The following OSBPL9 variants were observed in gnomAD, a reference collection of about 807,000 sequenced individuals.
OSBPL9 encodes the protein oxysterol binding protein like 9.
Under a neutral mutation model 106.6 loss-of-function variants are expected in OSBPL9, and 40 were observed. That is an observed-to-expected ratio of 0.38 (90% CI 0.29 to 0.49). OSBPL9 has a LOEUF of 0.49. OSBPL9 is among the 20% of genes least tolerant of loss of function. The probability of loss-of-function intolerance (pLI) is 0.97; values close to 1 mark genes in which losing one functional copy is unlikely to be tolerated. For missense variants in OSBPL9, 609 were observed against 887.2 expected (o/e 0.69, Z 3.98); for synonymous variants, 269 against 295.4 (o/e 0.91, Z 0.92).
At chr1:51,518,781 G>T in the OSBPL9 span, among the ~76,000 whole-genome samples, 15 of 151,618 alleles carry the variant, frequency 9.9e-5, no homozygotes, top group African/African-American at 3.4e-4. Context: ...CGTGCGGCCC[G>T]GGGGTGCGGC....
intron 2 of OSBPL9, among the ~76,000 whole-genome samples, chr1:51,668,437 C>A (rs1649038889): frequency 6.6e-6 from 1 of 152,108 alleles, no homozygotes; most frequent in South Asian, 2.1e-4. Context: ...GCCTGGCCAA[C>A]AAGGTGAAAC....
intron 1 of OSBPL9, among the ~76,000 whole-genome samples, chr1:51,627,577 TCTAA>T (rs1184558069): frequency 6.6e-6 from 1 of 152,212 alleles, no homozygotes; most frequent in Non-Finnish European, 1.5e-5. Context: ...ATGTAAATCT[TCTAA>T]CTTTCTTTGT....
chr1:51,545,222 T>C, the OSBPL9 span, among the ~76,000 whole-genome samples: 2 of 152,178 alleles, frequency 1.3e-5, no homozygotes, highest in Non-Finnish European at 2.9e-5. Flanking sequence ...TGCGATCTTA[T>C]TATCTGTCAA....
At chr1:51,719,550 A>G (rs896248431) in intron 4 of OSBPL9, among the ~76,000 whole-genome samples, 41 of 152,078 alleles carry the variant, frequency 2.7e-4, no homozygotes, top group Admixed American at 1.3e-4. Flanking sequence ...TACATCCTGT[A>G]GGTTTTATAG....
chr1:51,677,878 T>C (rs1410730205), intron 3 of OSBPL9, among the ~76,000 whole-genome samples: 1 of 151,948 alleles, frequency 6.6e-6, no homozygotes, highest in Non-Finnish European at 1.5e-5. Context: ...CAGTGTGTTC[T>C]CAAAAATAAT....
chr1:51,669,683 T>G, intron 3 of OSBPL9, 171 bp downstream of exon 3: 1 of 696,558 alleles, frequency 1.4e-6, no homozygotes. Flanking sequence ...GATTTGTATC[T>G]GCAATGGATG....
chr1:51,731,840 T>G (rs1664530867), intron 4 of OSBPL9, among the ~76,000 whole-genome samples: 1 of 151,052 alleles, frequency 6.6e-6, no homozygotes, highest in Non-Finnish European at 1.5e-5. Flanking sequence ...AGAGCTTAAG[T>G]GAGAAACAAG....
intron 1 of OSBPL9, among the ~76,000 whole-genome samples, chr1:51,581,939 GCTCAT>G (rs1301181425): frequency 2.0e-5 from 3 of 152,048 alleles, no homozygotes; most frequent in Non-Finnish European, 2.9e-5. Context: ...GACGCTCAAG[GCTCAT>G]CTTGTATGTT....
chr1:51,692,260 C>T (rs1037633605), intron 3 of OSBPL9, among the ~76,000 whole-genome samples: 1 of 152,176 alleles, frequency 6.6e-6, no homozygotes, highest in Non-Finnish European at 1.5e-5. Flanking sequence ...CTGCAGTGAG[C>T]TCTGATTGTG....
chr1:51,757,658 G>A (rs1281922861), intron 9 of OSBPL9, among the ~76,000 whole-genome samples: 1 of 151,962 alleles, frequency 6.6e-6, no homozygotes, highest in Non-Finnish European at 1.5e-5. Flanking sequence ...TTTGCCCAGG[G>A]ACTAGAGCAT....
chr1:51,597,412 T>TAC (rs1445064590), intron 1 of OSBPL9, among the ~76,000 whole-genome samples: 995 of 94,696 alleles, frequency 0.011, 2 homozygotes, highest in Non-Finnish European at 0.018. Context: ...TATGTGTGTA[T>TAC]ATATATATAT....
intron 1 of OSBPL9, among the ~76,000 whole-genome samples, chr1:51,643,413 C>T (rs1645934653): frequency 6.6e-6 from 1 of 152,042 alleles, no homozygotes; most frequent in South Asian, 2.1e-4. Flanking sequence ...AGGAATTAGC[C>T]AGTAAAAAGA....
the OSBPL9 span, among the ~76,000 whole-genome samples, chr1:51,558,031 A>G: frequency 3.9e-5 from 6 of 152,236 alleles, no homozygotes; most frequent in Non-Finnish European, 5.9e-5. Context: ...CTGTAATCCT[A>G]GCACTTTGGG....
intron 2 of OSBPL9, among the ~76,000 whole-genome samples, chr1:51,653,878 T>C (rs1016537451): frequency 2.6e-5 from 4 of 152,128 alleles, no homozygotes; most frequent in Admixed American, 2.0e-4. Flanking sequence ...GACACATGCC[T>C]ATAGTCCCAG....
rs975420557 is a variant in OSBPL9 at position 51,712,141 on chromosome 1, G to C, written c.242-1862G>C. Reference sequence around the variant, plus strand: ...GGGCACCATTGAGCACTGAGTGAACGAGACTCCGTCTGCAATCCCGGCACC... The same window carrying C: ...GGGCACCATTGAGCACTGAGTGAACCAGACTCCGTCTGCAATCCCGGCACC... On this transcript the variant is annotated intron_variant, in intron 3 of 23. Transcript: ENST00000428468. 3.3e-5 allele frequency among the ~76,000 whole-genome samples: 5 copies of C among 152,188 alleles called. No homozygotes were observed. The East Asian group carries it at 7.7e-4, about 23-fold the overall frequency.
intron 8 of OSBPL9, among the ~76,000 whole-genome samples, chr1:51,755,680 T>C (rs4926898): frequency 6.6e-6 from 1 of 152,246 alleles, no homozygotes; most frequent in African/African-American, 2.4e-5. Context: ...CTAATGTAAG[T>C]GTTCTACAAC....
intron 3 of OSBPL9, among the ~76,000 whole-genome samples, chr1:51,702,621 T>C (rs1657548906): frequency 6.6e-6 from 1 of 152,238 alleles, no homozygotes; most frequent in Non-Finnish European, 1.5e-5. Flanking sequence ...GGTAGTTTCT[T>C]TTGCTGTGCT....
In OSBPL9 at chr1:51,787,871, C is replaced by A; in HGVS notation, c.*82C>A. 8.1e-7 allele frequency: 1 copy of A among 1,229,076 alleles called. No homozygotes were observed. The highest frequency in any genetic ancestry group is 1.2e-6 in the Non-Finnish European group (1 of 836,864). The allele number at this position is 1,229,076 out of a possible 1,614,324, so 76.1% of individuals were successfully genotyped here. A position where few individuals can be genotyped will look rare whatever the true frequency, so the allele number is the denominator to read the frequency against. ...CAAACAATCTTCCTTTGGGAGAAAC[C>A]TGTTCATTCCAATCTTCTAATTACA... On this transcript the variant is annotated 3_prime_UTR_variant, in exon 24 of 24. Transcript: ENST00000428468.
At chr1:51,716,561 A>G (rs1185197686) in intron 4 of OSBPL9, among the ~76,000 whole-genome samples, 3 of 152,220 alleles carry the variant, frequency 2.0e-5, no homozygotes, top group Non-Finnish European at 4.4e-5. Flanking sequence ...TGCCATTACA[A>G]TGCAACTACT....
Sources: allele counts gnomAD v4.1 joint callset (sites outside exome capture counted in the v4.1 genomes callset), GRCh38; gene constraint gnomAD v4.1.1; transcripts MANE v1.5; gene names NCBI Gene and HGNC (gene_info 2026-07-23, HGNC 2026-07-21).